SRBD1: variants seen among roughly 807,000 people sequenced by gnomAD.
The protein encoded by SRBD1 is S1 RNA binding domain 1, also known as S1 RNA-binding domain-containing protein 1.
Under a neutral mutation model 115.3 loss-of-function variants are expected in SRBD1, and 88 were observed. The ratio of observed to expected loss-of-function variants is 0.76; its 90% CI spans 0.64 to 0.91. The LOEUF (loss-of-function observed/expected upper bound fraction) is 0.91. Ranked by LOEUF, SRBD1 falls within the 40% of genes least tolerant of loss-of-function variation. The pLI is 0.00. For missense variants in SRBD1, 1,385 were observed against 1,177.4 expected (o/e 1.18, Z -2.58); for synonymous variants, 509 against 407.7 (o/e 1.25, Z -2.99).
chr2:45,481,952 T>C (rs951042822), intron 15 of SRBD1, among the ~76,000 whole-genome samples: 9 of 152,056 alleles, frequency 5.9e-5, no homozygotes. Flanking sequence ...TGCCAGGAGT[T>C]TGGGTGGTGA....
chr2:45,582,281 T>C (rs973231830), intron 5 of SRBD1, among the ~76,000 whole-genome samples: 2 of 152,216 alleles, frequency 1.3e-5, no homozygotes. Flanking sequence ...AGCTTGGGTT[T>C]CTCTGATGTT....
At chr2:45,517,118 C>T (rs1052496491) in intron 14 of SRBD1, among the ~76,000 whole-genome samples, 1 of 152,182 alleles carries the variant, frequency 6.6e-6, no homozygotes, top group African/African-American at 2.4e-5. Flanking sequence ...AATTCATACA[C>T]AGTAATGAGG....
intron 16 of SRBD1, among the ~76,000 whole-genome samples, chr2:45,437,127 G>T (rs72880640): frequency 1.3e-5 from 2 of 152,044 alleles, no homozygotes; most frequent in Non-Finnish European, 2.9e-5. Context: ...TAAGAGGAGA[G>T]ATATTTCATG....
At chr2:45,552,012 G>T (rs1212007079) in intron 11 of SRBD1, among the ~76,000 whole-genome samples, 2 of 152,150 alleles carry the variant, frequency 1.3e-5, no homozygotes, top group Admixed American at 6.5e-5. Flanking sequence ...AGATAAAGGG[G>T]AGGAAAAATT....
intron 7 of SRBD1, among the ~76,000 whole-genome samples, chr2:45,576,572 A>C (rs1450665937): frequency 6.6e-6 from 1 of 152,220 alleles, no homozygotes; most frequent in Non-Finnish European, 1.5e-5. Flanking sequence ...CTATGAGGGA[A>C]TTTTCAGTAA....
intron 16 of SRBD1, among the ~76,000 whole-genome samples, chr2:45,463,154 G>A (rs569548546): frequency 1.3e-5 from 2 of 152,054 alleles, no homozygotes; most frequent in East Asian, 1.9e-4. Flanking sequence ...TAGATTGGAC[G>A]GAGAACTTTG....
chr2:45,418,700 G>A (rs539342525), intron 17 of SRBD1, among the ~76,000 whole-genome samples, 159 bp from the exon 18 acceptor site: 6 of 147,160 alleles, frequency 4.1e-5, no homozygotes, highest in South Asian at 4.3e-4. Context: ...AAAAAAAAAC[G>A]GAGAAAAAAA....
chr2:45,528,732 G>T (rs775434325), intron 14 of SRBD1, among the ~76,000 whole-genome samples: 2 of 151,872 alleles, frequency 1.3e-5, no homozygotes, highest in Admixed American at 1.3e-4. Context: ...GACAAAGCGG[G>T]TGAGGAAAAT....
chr2:45,578,404 T>C (rs1673243160), intron 7 of SRBD1, among the ~76,000 whole-genome samples: 1 of 152,204 alleles, frequency 6.6e-6, no homozygotes, highest in Admixed American at 6.5e-5. Context: ...TTTCAACCCA[T>C]CTCTAAATTC....
chr2:45,600,575 G>A (rs763334936), intron 3 of SRBD1, among the ~76,000 whole-genome samples: 12 of 152,160 alleles, frequency 7.9e-5, no homozygotes, highest in Non-Finnish European at 1.5e-4. Context: ...ATGATAGCAG[G>A]CTAATGTCAG....
rs1003483323 is a variant in SRBD1, at chr2:45,389,207, A to G, written c.*103T>C. On this transcript the variant is annotated 3_prime_UTR_variant, in exon 21 of 21. Transcript: ENST00000263736. ...TGGAAAATATTTCTGATATTAAGTGAATTATTTCTCATCTGCTACCTAGAG... is the reference window on the plus strand; with the variant it reads ...TGGAAAATATTTCTGATATTAAGTGGATTATTTCTCATCTGCTACCTAGAG... The G allele has an allele frequency of 1.5e-6, 2 of 1,311,532 alleles. No individual in the cohort carries two copies. Among genetic ancestry groups the G allele is most frequent in the African/African-American group, 3.0e-5 (2 of 67,438 alleles). The allele number at this position is 1,311,532 out of a possible 1,614,324, so 81.2% of individuals were successfully genotyped here. A position where few individuals can be genotyped will look rare whatever the true frequency, so the allele number is the denominator to read the frequency against.
At chr2:45,428,024 C>T (rs1476908648) in intron 16 of SRBD1, among the ~76,000 whole-genome samples, 4 of 152,180 alleles carry the variant, frequency 2.6e-5, no homozygotes, top group African/African-American at 7.2e-5. Flanking sequence ...CAGAACTCTC[C>T]ACTACAAATC....
chr2:45,512,733 C>G (rs1186571208), intron 14 of SRBD1, among the ~76,000 whole-genome samples: 4 of 152,094 alleles, frequency 2.6e-5, no homozygotes, highest in Non-Finnish European at 5.9e-5. Flanking sequence ...TTTACATTGC[C>G]AAAGATTCAC....
At chr2:45,526,581 A>G (rs984984024) in intron 14 of SRBD1, among the ~76,000 whole-genome samples, 3 of 151,994 alleles carry the variant, frequency 2.0e-5, no homozygotes, top group African/African-American at 7.2e-5. Flanking sequence ...GCTGAATTAT[A>G]TACTTCAAAT....
intron 9 of SRBD1, chr2:45,569,603 A>G (rs1558484959): frequency 6.6e-6 from 1 of 152,224 alleles, no homozygotes; most frequent in Non-Finnish European, 1.5e-5. Context: ...GAAGAAAAAT[A>G]AATTTTAAAA....
chr2:45,489,804 G>A (rs1477399763), intron 14 of SRBD1, among the ~76,000 whole-genome samples: 1 of 152,080 alleles, frequency 6.6e-6, no homozygotes, highest in African/African-American at 2.4e-5. Flanking sequence ...CCCTTAACCA[G>A]CACAACCAGG....
intron 16 of SRBD1, among the ~76,000 whole-genome samples, chr2:45,420,241 T>A (rs1035895808): frequency 2.0e-5 from 3 of 152,160 alleles, no homozygotes; most frequent in Non-Finnish European, 4.4e-5. Flanking sequence ...AGGTCTAGGG[T>A]GGGGTCTAAG....
At chr2:45,519,315 TG>T (rs1671212807) in intron 14 of SRBD1, among the ~76,000 whole-genome samples, 1 of 152,174 alleles carries the variant, frequency 6.6e-6, no homozygotes, top group Non-Finnish European at 1.5e-5. Context: ...GGGACCCCAC[TG>T]GCCTCACTAC....
At chr2:45,496,995 G>A (rs1329444858) in intron 14 of SRBD1, among the ~76,000 whole-genome samples, 1 of 152,176 alleles carries the variant, frequency 6.6e-6, no homozygotes, top group Non-Finnish European at 1.5e-5. Context: ...TGAACAGATG[G>A]AGGGAAAGAA....
Sources: gnomAD v4.1 joint callset for allele counts (sites outside exome capture counted in the v4.1 genomes callset) on GRCh38, gnomAD v4.1.1 for gene constraint, MANE v1.5 for transcripts, NCBI Gene and HGNC (gene_info 2026-07-23, HGNC 2026-07-21) for gene names.